Variants in CDH10 observed in about 807,000 individuals in gnomAD.
CDH10 encodes the protein cadherin-10.
Under a neutral mutation model 73.1 loss-of-function variants are expected in CDH10, and 30 were observed. The ratio of observed to expected loss-of-function variants is 0.41; its 90% confidence interval spans 0.31 to 0.56. The LOEUF (loss-of-function observed/expected upper bound fraction) is 0.56, where lower values mean the gene tolerates loss of function less well. CDH10 is among the 20% of genes least tolerant of loss of function. The probability of loss-of-function intolerance (pLI) is 0.27; values close to 1 mark genes in which losing one functional copy is unlikely to be tolerated. For missense variants in CDH10, 815 were observed against 973.7 expected, an observed-to-expected ratio of 0.84 and a Z score of 2.17; for synonymous variants, 345 against 348.2, an observed-to-expected ratio of 0.99 and a Z score of 0.10.
At chr5:24,568,399 C>A (rs1745241152) in intron 2 of CDH10, among the ~76,000 whole-genome samples, 1 of 152,056 alleles carries the variant, frequency 6.6e-6, no homozygotes, top group African/African-American at 2.4e-5. Flanking sequence ...AAAAGATACT[C>A]AATATCACCA....
chr5:24,568,999 A>G (rs1745266419), intron 2 of CDH10, among the ~76,000 whole-genome samples: 1 of 151,740 alleles, frequency 6.6e-6, no homozygotes, highest in Non-Finnish European at 1.5e-5. Flanking sequence ...AATCCCAGCT[A>G]CTCGGGAGGC....
chr5:24,529,148 T>C (rs1246364775), intron 5 of CDH10, among the ~76,000 whole-genome samples: 6 of 152,010 alleles, frequency 3.9e-5, no homozygotes, highest in African/African-American at 1.4e-4. Flanking sequence ...CTGTTTTATT[T>C]ACTTGGGCAA....
At chr5:24,560,876 GC>G (rs949088658) in intron 2 of CDH10, among the ~76,000 whole-genome samples, 23 of 152,040 alleles carry the variant, frequency 1.5e-4, no homozygotes, top group East Asian at 5.8e-4. Context: ...TTACTAATAT[GC>G]CTTTTTTTAC....
At chr5:24,522,370 T>C (rs1743367893) in intron 5 of CDH10, among the ~76,000 whole-genome samples, 1 of 152,138 alleles carries the variant, frequency 6.6e-6, no homozygotes, top group South Asian at 2.1e-4. Flanking sequence ...AGATTCAGCA[T>C]AGTCCCTTTG....
intron 1 of CDH10, 76 bp from the exon 2 acceptor site, chr5:24,593,689 G>T: frequency 1.9e-6 from 1 of 523,062 alleles, no homozygotes; most frequent in Non-Finnish European, 3.4e-6. Flanking sequence ...AATTTAAAGT[G>T]ACAATAGTTT....
intron 1 of CDH10, among the ~76,000 whole-genome samples, chr5:24,632,489 T>A (rs1405179473): frequency 6.6e-6 from 1 of 152,040 alleles, no homozygotes; most frequent in East Asian, 1.9e-4. Flanking sequence ...TATCTCAGAA[T>A]AGAAGCACTT....
At chr5:24,549,890 A>T (rs1744482875) in intron 2 of CDH10, among the ~76,000 whole-genome samples, 1 of 152,170 alleles carries the variant, frequency 6.6e-6, no homozygotes. Flanking sequence ...AAAAATAACT[A>T]GCAGTATAAC....
At chr5:24,531,821 A>T (rs903298457) in intron 5 of CDH10, among the ~76,000 whole-genome samples, 1 of 152,098 alleles carries the variant, frequency 6.6e-6, no homozygotes, top group Non-Finnish European at 1.5e-5. Flanking sequence ...AAATATTTTT[A>T]TATCAATGAA....
intron 5 of CDH10, among the ~76,000 whole-genome samples, chr5:24,515,374 C>T (rs1185491093): frequency 2.0e-5 from 3 of 152,060 alleles, no homozygotes; most frequent in African/African-American, 7.2e-5. Flanking sequence ...AAAAGTGGGG[C>T]TCCTATCATA....
At chr5:24,611,042 A>G (rs1456594488) in intron 1 of CDH10, among the ~76,000 whole-genome samples, 1 of 152,242 alleles carries the variant, frequency 6.6e-6, no homozygotes, top group African/African-American at 2.4e-5. Context: ...TTCTCATCTT[A>G]TATTATTTGT....
intron 8 of CDH10, among the ~76,000 whole-genome samples, chr5:24,501,631 AAG>A (rs1378655684): frequency 6.6e-6 from 1 of 152,194 alleles, no homozygotes; most frequent in Non-Finnish European, 1.5e-5. Flanking sequence ...CATGCCTCCA[AAG>A]AGAGAAATTT....
intron 1 of CDH10, among the ~76,000 whole-genome samples, chr5:24,597,529 G>A (rs920569167): frequency 8.5e-5 from 13 of 152,088 alleles, no homozygotes; most frequent in East Asian, 1.9e-4. Flanking sequence ...CTTTTTCCAC[G>A]TTTTTTTAAC....
chr5:24,599,542 G>T (rs1238481602), intron 1 of CDH10, among the ~76,000 whole-genome samples: 1 of 152,154 alleles, frequency 6.6e-6, no homozygotes, highest in Non-Finnish European at 1.5e-5. Context: ...ATGCACTTTA[G>T]TGTGTTCAAC....
intron 7 of CDH10, among the ~76,000 whole-genome samples, chr5:24,508,086 G>T (rs139433309): frequency 6.6e-6 from 1 of 152,136 alleles, no homozygotes; most frequent in Non-Finnish European, 1.5e-5. Flanking sequence ...GTAAGAGTGC[G>T]CTCAGAAAGT....
intron 2 of CDH10, among the ~76,000 whole-genome samples, chr5:24,540,875 C>A (rs1326613503): frequency 6.6e-6 from 1 of 151,630 alleles, no homozygotes; most frequent in Non-Finnish European, 1.5e-5. Flanking sequence ...GATACATGGA[C>A]AAGTAAAGAA....
At chr5:24,578,429 C>A (rs998482132) in intron 2 of CDH10, 9 of 315,802 alleles carry the variant, frequency 2.8e-5, no homozygotes, top group Non-Finnish European at 5.2e-5. Flanking sequence ...AGACTTTATT[C>A]CTTTGCCATA....
At chr5:24,620,532 A>T (rs2112166989) in intron 1 of CDH10, among the ~76,000 whole-genome samples, 1 of 152,336 alleles carries the variant, frequency 6.6e-6, no homozygotes, top group Non-Finnish European at 1.5e-5. Flanking sequence ...GATCTCTGAA[A>T]GTGAAAACAG....
Position 24,518,775 on chromosome 5 carries a change from A to T in CDH10, c.815-7261T>A, listed in dbSNP as rs559773076. On this transcript the variant is annotated intron_variant, in intron 5 of 11. Transcript: ENST00000264463. ...GTCATATCTGTATATTAATAAAGTT[A>T]TTTTATTGCAAAAGGCAGCTTTGAC... Among the ~76,000 whole-genome samples, 10 of 150,464 alleles carry T rather than the reference A, an allele frequency of 6.6e-5. No individual in the cohort carries two copies. In the South Asian group the frequency reaches 1.9e-3, roughly 28 times the overall value.
At chr5:24,515,271 C>A (rs1008410411) in intron 5 of CDH10, among the ~76,000 whole-genome samples, 14 of 152,196 alleles carry the variant, frequency 9.2e-5, no homozygotes, top group African/African-American at 3.4e-4. Flanking sequence ...TTAAAATATT[C>A]TACCCTTCCA....
Sources: allele counts gnomAD v4.1 joint callset (sites outside exome capture counted in the v4.1 genomes callset), GRCh38; gene constraint gnomAD v4.1.1; transcripts MANE v1.5; gene names NCBI Gene and HGNC (gene_info 2026-07-23, HGNC 2026-07-21).